Variants in FAM227A observed in about 807,000 individuals in gnomAD.
FAM227A encodes protein FAM227A.
FAM227A carries 80 observed loss-of-function variants against 74.7 expected under a neutral mutation model. The observed-to-expected ratio is 1.07, with a 90% confidence interval of 0.89 to 1.29. FAM227A has a LOEUF of 1.29. FAM227A is among the 50% of genes most tolerant of loss of function. The pLI, the probability that FAM227A is intolerant of heterozygous loss-of-function variation, is 0.00. For missense variants in FAM227A, 654 were observed against 683.4 expected (o/e 0.96, Z 0.48); for synonymous variants, 237 against 241.8 (o/e 0.98, Z 0.19).
At chr22:38,597,744 C>T (rs2091078287) in intron 14 of FAM227A, among the ~76,000 whole-genome samples, 1 of 152,146 alleles carries the variant, frequency 6.6e-6, no homozygotes, top group Non-Finnish European at 1.5e-5. Flanking sequence ...GCCTCATTCT[C>T]CATCTCGTTT....
In FAM227A at chr22:38,583,169, T is replaced by TA; in HGVS notation, c.*2955dup. The TA allele has an allele frequency of 4.7e-6, 2 of 423,568 alleles. No individual in the cohort carries two copies. Among genetic ancestry groups the TA allele is most frequent in the Non-Finnish European group, 8.2e-6 (2 of 242,938 alleles). 26.2% of individuals were successfully genotyped at this position (423,568 alleles called of 1,614,324 possible). On this transcript the variant is annotated 3_prime_UTR_variant, in exon 17 of 17. Coordinates refer to ENST00000535113, the MANE Select transcript of FAM227A (RefSeq NM_001013647.2). ...CACACGTTCTGGTTTCAGAAGACTA[T>TA]ACTTTTTTTTTTTTTTTTTTGAGAT...
At chr22:38,644,710 G>T (rs1376394178) in intron 3 of FAM227A, among the ~76,000 whole-genome samples, 1 of 152,250 alleles carries the variant, frequency 6.6e-6, no homozygotes, top group Non-Finnish European at 1.5e-5. Flanking sequence ...CAGTGGGGGA[G>T]ATTGTGCATG....
Position 38,579,902 on chromosome 22 carries a change from T to C in FAM227A, c.*6223A>G, listed in dbSNP as rs1221976542. ...ATGGGATCCAAATAATGTCCACATG[T>C]TGTAATTGATTGATGTCTTTTTTTT... On this transcript the variant is annotated 3_prime_UTR_variant, in exon 17 of 17. Transcript: ENST00000535113. 1 of 152,092 alleles carries C rather than the reference T, an allele frequency of 6.6e-6. No individual in the cohort carries two copies. Among genetic ancestry groups the C allele is most frequent in the East Asian group, 1.9e-4 (1 of 5,198 alleles). 9.4% of individuals were successfully genotyped at this position (152,092 alleles called of 1,614,324 possible).
chr22:38,641,120 A>G (rs2092105365), intron 3 of FAM227A, among the ~76,000 whole-genome samples: 1 of 129,884 alleles, frequency 7.7e-6, no homozygotes, highest in African/African-American at 3.1e-5. Context: ...TTGCACAGAA[A>G]GAGGGGAGAG....
chr22:38,592,691 T>G (rs1354591403), intron 15 of FAM227A, among the ~76,000 whole-genome samples: 3 of 152,192 alleles, frequency 2.0e-5, no homozygotes, highest in Non-Finnish European at 2.9e-5. Context: ...CTATGAACTT[T>G]CATATCTACT....
intron 16 of FAM227A, among the ~76,000 whole-genome samples, chr22:38,590,086 CACAAAACAAA>C (rs59529052): frequency 2.1e-4 from 31 of 146,600 alleles, no homozygotes; most frequent in South Asian, 1.5e-3. Flanking sequence ...ATCTCTGCTA[CACAAAACAAA>C]ACAAAACAAA....
intron 13 of FAM227A, among the ~76,000 whole-genome samples, chr22:38,601,837 G>A (rs1360977369): frequency 6.6e-6 from 1 of 152,094 alleles, no homozygotes; most frequent in East Asian, 1.9e-4. Context: ...TGCTCAGGTG[G>A]GACAATCTGG....
At chr22:38,635,999 A>C (rs2091996779) in intron 6 of FAM227A, among the ~76,000 whole-genome samples, 1 of 151,874 alleles carries the variant, frequency 6.6e-6, no homozygotes, top group Non-Finnish European at 1.5e-5. Context: ...CAAAAAAGTA[A>C]GAAAAAAGAA....
chr22:38,604,604 A>G (rs986876527), intron 13 of FAM227A, among the ~76,000 whole-genome samples: 3 of 152,220 alleles, frequency 2.0e-5, no homozygotes, highest in African/African-American at 4.8e-5. Context: ...GCTCAGAGCC[A>G]GGCAGATCTG....
At chr22:38,607,156 G>A (rs1002764393) in intron 12 of FAM227A, among the ~76,000 whole-genome samples, 1 of 131,888 alleles carries the variant, frequency 7.6e-6, no homozygotes, top group African/African-American at 2.9e-5. Flanking sequence ...CAGCCTGGGC[G>A]ACAGAGTGAG....
Position 38,588,337 on chromosome 22 carries a change from A to G in FAM227A, c.1639-2138T>C, listed in dbSNP as rs186438037. ...GACCCTGTCTCTACAAAGAAATTTTAGCCAGGCGCGGTGGCTCATGCCTGT... is the reference window on the plus strand; with the variant it reads ...GACCCTGTCTCTACAAAGAAATTTTGGCCAGGCGCGGTGGCTCATGCCTGT... On this transcript the variant is annotated intron_variant, in intron 16 of 16. Coordinates refer to ENST00000535113, the MANE Select transcript of FAM227A (RefSeq NM_001013647.2). 1.3e-4 allele frequency among the ~76,000 whole-genome samples: 20 copies of G among 152,212 alleles called. No individual in the cohort carries two copies. The East Asian group carries it at 3.9e-3, about 29-fold the overall frequency.
chr22:38,615,908 A>G (rs980802276), intron 11 of FAM227A, among the ~76,000 whole-genome samples: 2 of 152,120 alleles, frequency 1.3e-5, no homozygotes, highest in Non-Finnish European at 2.9e-5. Context: ...TGCTTTCCTC[A>G]CCTGGATTGA....
At chr22:38,644,799 A>T (rs2092197883) in intron 3 of FAM227A, among the ~76,000 whole-genome samples, 1 of 152,192 alleles carries the variant, frequency 6.6e-6, no homozygotes, top group Non-Finnish European at 1.5e-5. Flanking sequence ...CTAAAAAATA[A>T]AGTTTAGGCC....
At chr22:38,629,262 A>C (rs1047057232) in intron 6 of FAM227A, among the ~76,000 whole-genome samples, 9 of 152,150 alleles carry the variant, frequency 5.9e-5, no homozygotes, top group African/African-American at 2.2e-4. Context: ...ATATCAACCA[A>C]CGCAGTTAAT....
chr22:38,639,554 C>T lies in FAM227A; in HGVS notation c.295+101G>A. ...AGGCTCCTTCAGAAGAAGACAGAAA[C>T]ATCCTCATCTGAAACTTGGGATTCC... On this transcript the variant is annotated intron_variant, in intron 4 of 16. Coordinates refer to ENST00000535113, the MANE Select transcript of FAM227A (RefSeq NM_001013647.2). 2.7e-6 allele frequency: 3 copies of T among 1,117,846 alleles called. 1 individual carries two copies. Among genetic ancestry groups the T allele is most frequent in the Non-Finnish European group, 4.0e-6 (3 of 753,676 alleles). The allele number at this position is 1,117,846 out of a possible 1,614,324, so 69.2% of individuals were successfully genotyped here.
At chr22:38,645,698 G>A in intron 2 of FAM227A, 53 bp from the exon 3 acceptor site, 1 of 1,170,732 alleles carries the variant, frequency 8.5e-7, no homozygotes, top group Admixed American at 2.1e-5. Context: ...ACACACAACA[G>A]GATGGGGCTT....
chr22:38,620,690 T>G (rs1486350140), intron 10 of FAM227A, among the ~76,000 whole-genome samples: 2 of 150,952 alleles, frequency 1.3e-5, no homozygotes, highest in African/African-American at 4.9e-5. Flanking sequence ...GCGCCTGTAG[T>G]CCCAGCTACT....
At chr22:38,605,222 C>T in intron 13 of FAM227A, 32 bp downstream of exon 13, 1 of 1,277,130 alleles carries the variant, frequency 7.8e-7, no homozygotes, top group Non-Finnish European at 1.1e-6. Flanking sequence ...TTGGAATCAC[C>T]TTTACTATTA....
intron 2 of FAM227A, among the ~76,000 whole-genome samples, chr22:38,647,154 TAAATA>T (rs55701154): frequency 0.33 from 44,350 of 134,422 alleles, 6,568 homozygotes; most frequent in Middle Eastern, 0.4. Context: ...ATCTCAAAAA[TAAATA>T]AAATAAAACA....
Sources: allele counts gnomAD v4.1 joint callset (sites outside exome capture counted in the v4.1 genomes callset), GRCh38; gene constraint gnomAD v4.1.1; transcripts MANE v1.5; gene names NCBI Gene and HGNC (gene_info 2026-07-23, HGNC 2026-07-21).